The following COL19A1 variants were observed in gnomAD, a reference collection of about 807,000 sequenced individuals.
The protein encoded by COL19A1 is collagen alpha-1(XIX) chain.
Under a neutral mutation model 190.2 loss-of-function variants are expected in COL19A1, and 159 were observed. That is an observed-to-expected ratio of 0.84 (90% confidence interval 0.73 to 0.95). COL19A1 has a LOEUF of 0.95. Ranked by LOEUF, COL19A1 falls within the 40% of genes least tolerant of loss-of-function variation. COL19A1 has a pLI of 0.00. For synonymous variants in COL19A1, 509 were observed against 458.9 expected (o/e 1.11, Z -1.39); for missense variants, 1,418 against 1,431.9 (o/e 0.99, Z 0.16).
intron 2 of COL19A1, among the ~76,000 whole-genome samples, chr6:69,880,929 T>C (rs763410657): frequency 4.3e-4 from 66 of 152,240 alleles, no homozygotes; most frequent in Non-Finnish European, 7.6e-4. Context: ...TAATCTGATA[T>C]GACAGGACTT....
At chr6:70,024,734 C>T (rs1357755638) in intron 12 of COL19A1, among the ~76,000 whole-genome samples, 1 of 152,126 alleles carries the variant, frequency 6.6e-6, no homozygotes, top group Non-Finnish European at 1.5e-5. Flanking sequence ...ATTCTTATTT[C>T]TCTCCCTTTG....
Position 69,909,939 on chromosome 6 carries a change from T to C in COL19A1, c.266+9601T>C, listed in dbSNP as rs186431146. ...GGCCAGGCAGGAAATTGTTCAGATA[T>C]ATAAGCCTTACAGGGTAGAGATTAC... On this transcript the variant is annotated intron_variant, in intron 4 of 50. Transcript: ENST00000620364. 1.4e-4 allele frequency among the ~76,000 whole-genome samples: 22 copies of C among 152,296 alleles called. No individual in the cohort carries two copies. In the East Asian group the frequency reaches 4.1e-3, roughly 28 times the overall value.
At chr6:70,152,730 A>T (rs1277060792) in intron 31 of COL19A1, among the ~76,000 whole-genome samples, 1 of 152,178 alleles carries the variant, frequency 6.6e-6, no homozygotes, top group African/African-American at 2.4e-5. Flanking sequence ...ATGTAACATT[A>T]ACACAGGAAC....
intron 14 of COL19A1, among the ~76,000 whole-genome samples, chr6:70,057,169 C>A (rs1179996451): frequency 6.6e-6 from 1 of 152,080 alleles, no homozygotes; most frequent in African/African-American, 2.4e-5. Context: ...GGCCACTGAC[C>A]TTTGGCAAAG....
chr6:69,918,018 T>C (rs1411061071), intron 4 of COL19A1, among the ~76,000 whole-genome samples: 2 of 152,152 alleles, frequency 1.3e-5, no homozygotes, highest in African/African-American at 4.8e-5. Flanking sequence ...AAGGTCTCAA[T>C]GAGCCTAGTG....
intron 4 of COL19A1, among the ~76,000 whole-genome samples, chr6:69,921,298 A>C (rs1203822296): frequency 4.5e-5 from 6 of 132,012 alleles, no homozygotes; most frequent in Non-Finnish European, 9.2e-5. Context: ...TATCATATAT[A>C]TCATATATCA....
At chr6:70,026,166 A>T (rs1778722070) in intron 12 of COL19A1, among the ~76,000 whole-genome samples, 1 of 152,238 alleles carries the variant, frequency 6.6e-6, no homozygotes, top group Non-Finnish European at 1.5e-5. Flanking sequence ...TGGAACCTGA[A>T]ATATATTCAC....
chr6:70,135,994 TG>T (rs1785845572), intron 18 of COL19A1, among the ~76,000 whole-genome samples: 1 of 152,206 alleles, frequency 6.6e-6, no homozygotes, highest in Non-Finnish European at 1.5e-5. Flanking sequence ...CTTGCAGTTT[TG>T]GGCTCTGTTA....
At position 70,115,831 on chromosome 6, in the gene COL19A1, T is replaced by TTG. The variant is rs534645458; in HGVS notation, c.1279-6048_1279-6047insGT. Among the ~76,000 whole-genome samples the TTG allele has an allele frequency of 3.2e-3, 452 of 140,992 alleles. 6 individuals carry two copies. The Middle Eastern group carries it at 0.044, about 14-fold the overall frequency. The allele number at this position is 140,992 out of a possible 152,430, so 92.5% of individuals were successfully genotyped here. A position where few individuals can be genotyped will look rare whatever the true frequency, so the allele number is the denominator to read the frequency against. ...TTTTGTTTTTTGGTGTTTTGTTTTTTTTTTTTTTTTTGGTGGGGAGAAGGT... is the reference window on the plus strand; with the variant it reads ...TTTTGTTTTTTGGTGTTTTGTTTTTTTGTTTTTTTTTTTGGTGGGGAGAAGGT... On this transcript the variant is annotated intron_variant, in intron 16 of 50. Transcript: ENST00000620364.
intron 17 of COL19A1, among the ~76,000 whole-genome samples, chr6:70,128,999 G>A (rs1352716892): frequency 6.6e-6 from 1 of 152,128 alleles, no homozygotes; most frequent in African/African-American, 2.4e-5. Context: ...AAAACTAACA[G>A]GAGGCTTTTA....
At chr6:70,029,258 A>G (rs1473307068) in intron 12 of COL19A1, among the ~76,000 whole-genome samples, 1 of 152,144 alleles carries the variant, frequency 6.6e-6, no homozygotes, top group Non-Finnish European at 1.5e-5. Context: ...TATCTTCTGA[A>G]TTTTAAAGAT....
At chr6:70,032,486 ATATAT>A (rs1450236848) in intron 12 of COL19A1, among the ~76,000 whole-genome samples, 2 of 152,186 alleles carry the variant, frequency 1.3e-5, no homozygotes, top group Non-Finnish European at 2.9e-5. Flanking sequence ...ATGAAGGCAA[ATATAT>A]TATTTTTTTC....
intron 15 of COL19A1, among the ~76,000 whole-genome samples, chr6:70,091,863 T>C (rs1782945706): frequency 6.6e-6 from 1 of 152,114 alleles, no homozygotes; most frequent in Non-Finnish European, 1.5e-5. Flanking sequence ...TGAGGGAAGG[T>C]AAATTGTAAA....
At chr6:70,188,281 T>C in intron 47 of COL19A1, 36 bp downstream of exon 47, 1 of 1,551,390 alleles carries the variant, frequency 6.4e-7, no homozygotes, top group Non-Finnish European at 8.7e-7. Context: ...GCTCCTGGCT[T>C]GTACCGACCA....
intron 11 of COL19A1, among the ~76,000 whole-genome samples, chr6:69,971,009 C>T (rs1775393071): frequency 1.3e-5 from 2 of 152,118 alleles, no homozygotes; most frequent in Non-Finnish European, 2.9e-5. Context: ...CTAGTCATTA[C>T]AGATTGTGTA....
rs771348992 is a variant in COL19A1 at position 70,161,908 on chromosome 6, A to G, written c.2301A>G (p.Gln767=). 6.2e-6 allele frequency: 10 copies of G among 1,607,526 alleles called. No individual in the cohort carries two copies. Among genetic ancestry groups the G allele is most frequent in the Non-Finnish European group, 6.8e-6 (8 of 1,176,982 alleles). ...IPGEKGDEGL[Q]GIPGIPGAPG... ...GGAACTATCTTTTCCAGGGTCTTCA[A>G]GGAATTCCAGGCATTCCAGGTGCTC... The change falls in exon 35 of 51, where the codon CAA becomes CAG. Residue 767 remains glutamine, a synonymous_variant. Transcript: ENST00000620364.
intron 7 of COL19A1, 21 bp downstream of exon 7, chr6:69,932,884 T>TTCTTC: frequency 1.3e-6 from 2 of 1,508,896 alleles, no homozygotes; most frequent in Non-Finnish European, 1.8e-6. Context: ...TTTCTTTGCA[T>TTCTTC]ATGAAGAATG....
chr6:69,993,422 T>A (rs1776731328), intron 11 of COL19A1, among the ~76,000 whole-genome samples: 1 of 152,162 alleles, frequency 6.6e-6, no homozygotes, highest in Non-Finnish European at 1.5e-5. Context: ...AATTTTCTTT[T>A]TAAATTGTAT....
At chr6:69,931,716 T>C (rs1772769445) in intron 6 of COL19A1, among the ~76,000 whole-genome samples, 1 of 152,172 alleles carries the variant, frequency 6.6e-6, no homozygotes, top group African/African-American at 2.4e-5. Context: ...TTACATTTCA[T>C]TTAGTCTCAT....
Sources: allele counts gnomAD v4.1 joint callset (sites outside exome capture counted in the v4.1 genomes callset), GRCh38; gene constraint gnomAD v4.1.1; transcripts MANE v1.5; gene names NCBI Gene and HGNC (gene_info 2026-07-23, HGNC 2026-07-21).